The following SGSH variants were observed in gnomAD, a reference collection of about 807,000 sequenced individuals.
The protein encoded by SGSH is heparan sulfate sulfatase.
SGSH carries 48 observed loss-of-function variants against 51.0 expected under a neutral mutation model. The ratio of observed to expected loss-of-function variants is 0.94; its 90% confidence interval spans 0.75 to 1.20. The LOEUF is 1.20. Among genes scored for constraint, SGSH ranks in the 50% most tolerant of loss-of-function variants. The pLI is 0.00. For missense variants in SGSH, 662 were observed against 717.8 expected (o/e 0.92, Z 0.89); for synonymous variants, 321 against 313.4 (o/e 1.02, Z -0.26).
In SGSH at chr17:80,209,495, G is replaced by A; in HGVS notation, c.*957C>T. On this transcript the variant is annotated 3_prime_UTR_variant, in exon 8 of 8. Transcript: ENST00000326317. ...TCCCGAGGTGGGTGGAGGCAGGGCA[G>A]GAACGGCACATTCTCCCAGCAACGC... 1 of 985,470 alleles carries A rather than the reference G, an allele frequency of 1.0e-6. No homozygotes were observed. Among genetic ancestry groups the A allele is most frequent in the Non-Finnish European group, 1.2e-6 (1 of 830,072 alleles). The allele number at this position is 985,470 out of a possible 1,614,324, so 61.0% of individuals were successfully genotyped here. A position where few individuals can be genotyped will look rare whatever the true frequency, so the allele number is the denominator to read the frequency against.
At chr17:80,202,094 C>G (rs2041008461), downstream of SGSH, 3 of 1,329,108 alleles carry the variant, frequency 2.3e-6, no homozygotes, top group Admixed American at 5.5e-5. Context: ...AGGGTCCTTC[C>G]TTCTCTCCTA....
At chr17:80,207,987 G>A (rs2041433505), downstream of SGSH, 1 of 532,000 alleles carries the variant, frequency 1.9e-6, no homozygotes, top group Non-Finnish European at 3.2e-6. Flanking sequence ...CCCACCACTG[G>A]GGCCTGGGGC....
downstream of SGSH, chr17:80,207,046 T>C (rs1184518385): frequency 2.5e-6 from 4 of 1,613,984 alleles, no homozygotes; most frequent in East Asian, 4.5e-5. Context: ...CCCATCGTCA[T>C]CCACGTCTCT....
At chr17:80,203,615 G>T (rs1042000838), downstream of SGSH, 2 of 507,568 alleles carry the variant, frequency 3.9e-6, no homozygotes, top group Non-Finnish European at 7.0e-6. The surrounding 1 kb of genome is among the most constrained non-coding windows in gnomAD (Gnocchi z 4.6). Context: ...GGTGGGCCGA[G>T]GCCCTGGAGT....
rs200194908 is a variant in SGSH at position 80,214,689 on chromosome 17, G to A, written c.432C>T (p.Ser144=). 78 of 1,613,148 alleles carry A rather than the reference G, an allele frequency of 4.8e-5. No individual in the cohort carries two copies. The East Asian group carries it at 5.3e-4, about 11-fold the overall frequency. ...TGATGTTCCGCCCCACCTGGAGGAC[G>A]GAGCCATTCTCCTCCGTGTACGCAA... is the stretch of plus-strand genomic sequence containing the variant. ...FDFAYTEENG[S]VLQVGRNITR... Residue 144 remains serine, a synonymous_variant, in exon 4 of 8, where the codon TCC becomes TCT. Transcript: ENST00000326317.
Position 80,220,252 on chromosome 17 carries a change from C to A in SGSH, c.62G>T (p.Arg21Leu). Residue 21 changes from arginine (R) to leucine (L), a missense_variant, in exon 1 of 8, where the codon CGT becomes CTT. Arg to Leu is a moderately radical substitution (Grantham distance 102). Transcript: ENST00000326317. ...GAGGAGCAGCAGTGCGTTCCGGGGA[C>A]GCGCCCGGCAGAGCCCCAGGACTAG... ...LLLVLGLCRA[R>L]PRNALLLLAD... The A allele has an allele frequency of 6.6e-7, 1 of 1,523,032 alleles. No individual in the cohort carries two copies. The highest frequency in any genetic ancestry group is 1.2e-5 in the South Asian group (1 of 82,706). The allele number at this position is 1,523,032 out of a possible 1,614,324, so 94.3% of individuals were successfully genotyped here. A position where few individuals can be genotyped will look rare whatever the true frequency, so the allele number is the denominator to read the frequency against.
Position 80,220,250 on chromosome 17 carries a change from G to A in SGSH, c.64C>T (p.Pro22Ser), listed in dbSNP as rs1238297225. ...LLVLGLCRAR[P>S]RNALLLLADD... ...CCGAGGAGCAGCAGTGCGTTCCGGG[G>A]ACGCGCCCGGCAGAGCCCCAGGACT... Residue 22 changes from proline to serine, a missense_variant, in exon 1 of 8, where the codon CCC becomes TCC. Pro to Ser is a moderately conservative substitution (Grantham distance 74). Transcript: ENST00000326317. 1 of 1,523,658 alleles carries A rather than the reference G, an allele frequency of 6.6e-7. No homozygotes were observed. Among genetic ancestry groups the A allele is most frequent in the South Asian group, 1.2e-5 (1 of 82,778 alleles). 94.4% of individuals were successfully genotyped at this position (1,523,658 alleles called of 1,614,324 possible). A position where few individuals can be genotyped will look rare whatever the true frequency, so the allele number is the denominator to read the frequency against.
chr17:80,204,351 G>T (rs1415666276), downstream of SGSH: 1 of 1,548,112 alleles, frequency 6.5e-7, no homozygotes, highest in East Asian at 2.4e-5. Flanking sequence ...GGTGAGGCCT[G>T]GTGAGCTGGC....
At chr17:80,205,687 C>A (rs1287213501), downstream of SGSH, 2 of 1,516,506 alleles carry the variant, frequency 1.3e-6, no homozygotes, top group East Asian at 2.4e-5. Flanking sequence ...GGGGAGCTGT[C>A]CTGGGAAGGG....
chr17:80,215,751 G>T (rs1278863570), intron 2 of SGSH, among the ~76,000 whole-genome samples: 3 of 151,202 alleles, frequency 2.0e-5, no homozygotes, highest in Non-Finnish European at 4.4e-5. Context: ...TCTGGGAGGT[G>T]GAGGTTGCAG....
Position 80,214,634 on chromosome 17 carries a change from GGA to G in SGSH, c.485_486del (p.Phe162SerfsTer6). The G allele has an allele frequency of 1.2e-6, 2 of 1,613,338 alleles. No homozygotes were observed. Among genetic ancestry groups the G allele is most frequent in the Non-Finnish European group, 1.7e-6 (2 of 1,179,940 alleles). On this transcript the variant is annotated frameshift_variant, in exon 4 of 8. Coordinates refer to ENST00000326317, the MANE Select transcript of SGSH (RefSeq NM_000199.5). LOFTEE classifies it high-confidence loss of function. The stretch of plus-strand genomic sequence containing the variant: ...TCATACCGGTCATCCTGAGTCTGCA[GGA>G]ATTTCCGGACGAGCAGCTTAATTCT... Reference protein sequence around the residue: ...ITRIKLLVRKFLQTQDDRPFF... With the variant: ...ITRIKLLVRKXLQTQDDRPFF...
Position 80,215,092 on chromosome 17 carries a change from T to C in SGSH, c.296A>G (p.Asn99Ser). 1 of 1,612,330 alleles carries C rather than the reference T, an allele frequency of 6.2e-7. No homozygotes were observed. The highest frequency in any genetic ancestry group is 8.5e-7 in the Non-Finnish European group (1 of 1,179,940). ...CAGGCTCCGCACCTTGTCGAAGGAG[T>C]TGAAGTGGTGCACGTCCTGGTGCAG... ...YGLHQDVHHF[N>S]SFDKVRSLPL... Residue 99 changes from asparagine to serine, a missense_variant, in exon 3 of 8, where the codon AAC (asparagine) becomes AGC (serine). Asn to Ser is a conservative substitution (Grantham distance 46). Transcript: ENST00000326317.
At chr17:80,200,746 T>G in the SGSH span, 12 of 157,222 alleles carry the variant, frequency 7.6e-5, no homozygotes, top group Non-Finnish European at 1.4e-4. Context: ...GAACCATAAT[T>G]CAGAATCAGT....
At chr17:80,204,560 G>A, downstream of SGSH, 1 of 463,658 alleles carries the variant, frequency 2.2e-6, no homozygotes, top group Non-Finnish European at 3.9e-6. Flanking sequence ...GGAGGCAGAG[G>A]TGGCAGTGAG....
Position 80,212,314 on chromosome 17 carries a change from A to C in SGSH, c.746-40T>G. ...CGAGAAGCAGAGCTCAGCCGCAGAC[A>C]CGGAGGGAGGCAGCGGGTGGTGTGT... On this transcript the variant is annotated intron_variant, in intron 6 of 7. Transcript: ENST00000326317. The surrounding 1 kb of genome is among the most constrained non-coding windows in gnomAD (Gnocchi z 5.9). 6.5e-7 allele frequency: 1 copy of C among 1,543,538 alleles called. No individual in the cohort carries two copies. The highest frequency in any genetic ancestry group is 8.8e-7 in the Non-Finnish European group (1 of 1,134,110).
intron 1 of SGSH, among the ~76,000 whole-genome samples, chr17:80,218,377 G>GA (rs1286093486): frequency 2.0e-5 from 3 of 152,338 alleles, no homozygotes; most frequent in African/African-American, 7.2e-5. Context: ...TGGGCAGCAG[G>GA]AAACAGGGAC....
At chr17:80,214,931 AC>A in intron 3 of SGSH, 101 bp downstream of exon 3, 1 of 1,293,582 alleles carries the variant, frequency 7.7e-7, no homozygotes, top group Non-Finnish European at 1.1e-6. Flanking sequence ...AGGGCAGGCC[AC>A]GGGGGCTGAG....
In SGSH at chr17:80,214,300, C is replaced by T. The variant is rs774773010; in HGVS notation, c.535G>A (p.Asp179Asn). ...TGGGAGTGCCCACAGCGGTGGGGGT[C>T]GTGGAAGGCGACGTAGAGGAAGAAA... Reference protein sequence around the residue: ...RPFFLYVAFHDPHRCGHSQPQ... With the variant: ...RPFFLYVAFHNPHRCGHSQPQ... The change falls in exon 5 of 8, where the codon GAC becomes AAC. Residue 179 changes from aspartate to asparagine, a missense_variant. Asp to Asn is a conservative substitution (Grantham distance 23). Transcript: ENST00000326317. The T allele has an allele frequency of 1.9e-6, 3 of 1,613,020 alleles. No individual in the cohort carries two copies. Among genetic ancestry groups the T allele is most frequent in the Admixed American group, 1.7e-5 (1 of 60,020 alleles).
rs779083605 is a variant in SGSH, at chr17:80,210,508, C to T, written c.1453G>A (p.Gly485Ser). The change falls in exon 8 of 8, where the codon GGC (glycine) becomes AGC (serine). Residue 485 changes from glycine to serine, a missense_variant. By Grantham distance (56) the Gly-to-Ser change is moderately conservative (BLOSUM62 0). Coordinates refer to ENST00000326317, the MANE Select transcript of SGSH (RefSeq NM_000199.5). ...GGAGAGAGCTTCTCCTCCAGGACGC[C>T]GTCGGGGGCGCACACCCAGGGGTCG... ...THDPWVCAPD[G>S]VLEEKLSPQC... is the part of the protein sequence containing the mutation. The T allele has an allele frequency of 1.8e-5, 29 of 1,607,742 alleles. No homozygotes were observed. Among genetic ancestry groups the T allele is most frequent in the Non-Finnish European group, 2.3e-5 (27 of 1,179,378 alleles).
Sources: gnomAD v4.1 joint callset for allele counts (sites outside exome capture counted in the v4.1 genomes callset) on GRCh38, gnomAD v4.1.1 for gene constraint, Gnocchi (gnomAD v3.1) non-coding constraint, MANE v1.5 for transcripts, NCBI Gene and HGNC (gene_info 2026-07-23, HGNC 2026-07-21) for gene names.